The following SH3BGRL2 variants were observed in gnomAD, a reference collection of about 807,000 sequenced individuals.
SH3BGRL2 encodes SH3 domain binding glutamate rich protein like 2, also known as SH3 domain-binding glutamic acid-rich-like protein 2.
In SH3BGRL2, 21 loss-of-function variants were observed where a neutral mutation model predicts 14.8. The ratio of observed to expected loss-of-function variants is 1.42; its 90% CI spans 1.01 to 2.05. The LOEUF (loss-of-function observed/expected upper bound fraction) is 2.05, where lower values mean the gene tolerates loss of function less well. Among genes scored for constraint, SH3BGRL2 ranks in the 30% most tolerant of loss-of-function variants. The pLI is 0.00. For synonymous variants in SH3BGRL2, 50 were observed against 47.8 expected (o/e 1.05, Z -0.19); for missense variants, 147 against 130.8 (o/e 1.12, Z -0.61).
chr6:79,663,942 G>A (rs1267305113), intron 1 of SH3BGRL2, among the ~76,000 whole-genome samples: 1 of 152,240 alleles, frequency 6.6e-6, no homozygotes, highest in Admixed American at 6.5e-5. Flanking sequence ...CTAGCAGGGA[G>A]CAAGACTACC....
chr6:79,632,648 C>A (rs1768847543), intron 1 of SH3BGRL2, among the ~76,000 whole-genome samples: 1 of 152,144 alleles, frequency 6.6e-6, no homozygotes, highest in Non-Finnish European at 1.5e-5. Flanking sequence ...TCATACAAAG[C>A]CCCTCCACCC....
chr6:79,593,914 C>A, the SH3BGRL2 span, among the ~76,000 whole-genome samples: 1 of 151,584 alleles, frequency 6.6e-6, no homozygotes, highest in African/African-American at 2.4e-5. Flanking sequence ...CTTAAAACTT[C>A]ATCAGGAGGC....
intron 1 of SH3BGRL2, among the ~76,000 whole-genome samples, chr6:79,649,054 C>A (rs977039131): frequency 6.6e-6 from 1 of 152,148 alleles, no homozygotes; most frequent in African/African-American, 2.4e-5. Flanking sequence ...CCCTGTAGGA[C>A]CACCTCACCC....
chr6:79,691,817 C>T (rs1279709764), intron 2 of SH3BGRL2, among the ~76,000 whole-genome samples: 235 of 150,160 alleles, frequency 1.6e-3, no homozygotes, highest in Non-Finnish European at 2.8e-3. Flanking sequence ...AATAAACATA[C>T]GTGTGCATGT....
At chr6:79,570,004 G>A in the SH3BGRL2 span, among the ~76,000 whole-genome samples, 2 of 152,244 alleles carry the variant, frequency 1.3e-5, no homozygotes, top group African/African-American at 4.8e-5. Context: ...TGAGATTACG[G>A]ATAAATTGAG....
At chr6:79,670,667 GTTTA>G (rs1341282555) in intron 1 of SH3BGRL2, among the ~76,000 whole-genome samples, 3 of 152,178 alleles carry the variant, frequency 2.0e-5, no homozygotes, top group Admixed American at 6.5e-5. Flanking sequence ...CTTATTAAGG[GTTTA>G]TTTGTCTAAT....
At chr6:79,679,391 T>C (rs1184936550) in intron 2 of SH3BGRL2, among the ~76,000 whole-genome samples, 1 of 152,062 alleles carries the variant, frequency 6.6e-6, no homozygotes, top group East Asian at 1.9e-4. Flanking sequence ...TTTCATTTTT[T>C]TTTTTGGCTG....
At chr6:79,678,893 A>G (rs190114897) in intron 2 of SH3BGRL2, among the ~76,000 whole-genome samples, 26 of 152,156 alleles carry the variant, frequency 1.7e-4, no homozygotes, top group Non-Finnish European at 3.5e-4. Context: ...TCCTGTGTTA[A>G]TTTGCTTAGG....
intron 2 of SH3BGRL2, among the ~76,000 whole-genome samples, chr6:79,696,081 A>AT (rs1430014808): frequency 1.3e-5 from 2 of 152,090 alleles, no homozygotes; most frequent in African/African-American, 2.4e-5. Context: ...TTACCCAGTG[A>AT]TTTTTTCAAA....
At chr6:79,661,297 T>G (rs1311437249) in intron 1 of SH3BGRL2, among the ~76,000 whole-genome samples, 1 of 152,228 alleles carries the variant, frequency 6.6e-6, no homozygotes, top group Non-Finnish European at 1.5e-5. Flanking sequence ...TAGACACTGC[T>G]TTAAATGTGT....
At chr6:79,595,583 T>G in the SH3BGRL2 span, among the ~76,000 whole-genome samples, 1 of 152,164 alleles carries the variant, frequency 6.6e-6, no homozygotes, top group African/African-American at 2.4e-5. Flanking sequence ...AACCATATGA[T>G]CATTTCAGTA....
intron 2 of SH3BGRL2, among the ~76,000 whole-genome samples, chr6:79,695,347 T>C (rs538324976): frequency 4.6e-4 from 70 of 152,340 alleles, no homozygotes; most frequent in African/African-American, 1.7e-3. Context: ...TTGCTAAAGC[T>C]TTTGGAGAAG....
At chr6:79,605,779 A>T in the SH3BGRL2 span, among the ~76,000 whole-genome samples, 4 of 152,236 alleles carry the variant, frequency 2.6e-5, no homozygotes, top group Non-Finnish European at 4.4e-5. Flanking sequence ...GTTTGATTAA[A>T]CACATTCAAA....
At chr6:79,681,434 C>T (rs1035228524) in intron 2 of SH3BGRL2, among the ~76,000 whole-genome samples, 6 of 152,130 alleles carry the variant, frequency 3.9e-5, no homozygotes, top group Admixed American at 3.9e-4. Context: ...TGATTTGGGG[C>T]TAACTGCCTG....
the SH3BGRL2 span, among the ~76,000 whole-genome samples, chr6:79,601,912 A>G: frequency 2.7e-5 from 4 of 150,588 alleles, no homozygotes; most frequent in East Asian, 7.8e-4. Flanking sequence ...TAGTAAAGAA[A>G]AAAATCAAGC....
Position 79,699,561 on chromosome 6 carries a change from C to T in SH3BGRL2, c.*52C>T. On this transcript the variant is annotated 3_prime_UTR_variant, in exon 4 of 4. Transcript: ENST00000369838. Reference sequence around the variant, plus strand: ...TGCATTTTGAAGCACCCCTGGTACTCAGCACACACATGCTTACCTAATGCA... The same window carrying T: ...TGCATTTTGAAGCACCCCTGGTACTTAGCACACACATGCTTACCTAATGCA... 1 of 1,433,576 alleles carries T rather than the reference C, an allele frequency of 7.0e-7. No homozygotes were observed. Among genetic ancestry groups the T allele is most frequent in the Non-Finnish European group, 9.2e-7 (1 of 1,084,050 alleles). 88.8% of individuals were successfully genotyped at this position (1,433,576 alleles called of 1,614,324 possible). A position where few individuals can be genotyped will look rare whatever the true frequency, so the allele number is the denominator to read the frequency against.
intron 1 of SH3BGRL2, among the ~76,000 whole-genome samples, chr6:79,644,306 G>C (rs971074391): frequency 5.3e-5 from 8 of 152,104 alleles, no homozygotes; most frequent in African/African-American, 1.9e-4. Flanking sequence ...AGTTGGGTTT[G>C]TTGGTGGAAG....
chr6:79,664,725 G>T (rs1367387649), intron 1 of SH3BGRL2, among the ~76,000 whole-genome samples: 2 of 152,212 alleles, frequency 1.3e-5, no homozygotes, highest in African/African-American at 4.8e-5. Context: ...ATCATGTTAT[G>T]TTCCATGATG....
chr6:79,637,153 T>C (rs1414470618), intron 1 of SH3BGRL2, among the ~76,000 whole-genome samples: 1 of 152,082 alleles, frequency 6.6e-6, no homozygotes, highest in African/African-American at 2.4e-5. Flanking sequence ...TGCTAGAAAA[T>C]AGGATTTATT....
Sources: gnomAD v4.1 joint callset for allele counts (sites outside exome capture counted in the v4.1 genomes callset) on GRCh38, gnomAD v4.1.1 for gene constraint, MANE v1.5 for transcripts, NCBI Gene and HGNC (gene_info 2026-07-23, HGNC 2026-07-21) for gene names.